Variants in MIA3 observed in about 807,000 individuals in gnomAD.
The protein encoded by MIA3 is transport and Golgi organization protein 1 homolog.
A neutral mutation model predicts 192.4 loss-of-function variants in MIA3; 90 were observed. The observed-to-expected ratio is 0.47, with a 90% confidence interval of 0.39 to 0.56. MIA3 has a LOEUF of 0.56. Ranked by LOEUF, MIA3 falls within the 20% of genes least tolerant of loss-of-function variation. MIA3 has a pLI of 0.00. For synonymous variants in MIA3, 740 were observed against 792.8 expected (o/e 0.93, Z 1.12); for missense variants, 2,123 against 2,269.4 (o/e 0.94, Z 1.31).
chr1:222,657,462 C>G (rs576803874), intron 18 of MIA3, among the ~76,000 whole-genome samples: 54 of 152,344 alleles, frequency 3.5e-4, no homozygotes, highest in Middle Eastern at 3.4e-3. Flanking sequence ...AAATGCCGGG[C>G]TTACTTATAA....
At chr1:222,640,028 G>A (rs1662783924) in intron 6 of MIA3, among the ~76,000 whole-genome samples, 1 of 152,132 alleles carries the variant, frequency 6.6e-6, no homozygotes, top group South Asian at 2.1e-4. Context: ...ACATCTAAAA[G>A]CAATTGTATT....
intron 24 of MIA3, 64 bp downstream of exon 24, chr1:222,660,378 T>A: frequency 6.6e-7 from 1 of 1,523,772 alleles, no homozygotes; most frequent in Non-Finnish European, 8.9e-7. Context: ...TATTTGAGAA[T>A]TCTAATGCAA....
chr1:222,635,083 A>G (rs1662569695), intron 6 of MIA3, among the ~76,000 whole-genome samples: 2 of 152,222 alleles, frequency 1.3e-5, no homozygotes, highest in African/African-American at 4.8e-5. Context: ...ACCAGGATGG[A>G]AAACAAGTAG....
At chr1:222,658,662 T>A in intron 18 of MIA3, 60 bp from the exon 19 acceptor site, 1 of 1,182,584 alleles carries the variant, frequency 8.5e-7, no homozygotes, top group Non-Finnish European at 1.2e-6. Context: ...ATTGGAGTAT[T>A]CAGACAGAAT....
At chr1:222,644,412 G>GA in intron 6 of MIA3, 1 of 1,544,088 alleles carries the variant, frequency 6.5e-7, no homozygotes, top group Non-Finnish European at 8.8e-7. Flanking sequence ...AGGAAGCTCT[G>GA]AAAAACAGGG....
chr1:222,641,894 C>A, intron 6 of MIA3: 1 of 454,674 alleles, frequency 2.2e-6, no homozygotes, highest in South Asian at 1.6e-5. Context: ...TGGAAAAAAT[C>A]AAATATCTAT....
rs2124889711 is a variant in MIA3 at position 222,645,659 on chromosome 1, A to G, written c.3583A>G (p.Ile1195Val). 1 of 1,613,910 alleles carries G rather than the reference A, an allele frequency of 6.2e-7. No homozygotes were observed. Among genetic ancestry groups the G allele is most frequent in the Non-Finnish European group, 8.5e-7 (1 of 1,179,962 alleles). Residue 1195 changes from isoleucine (I) to valine (V), a missense_variant, in exon 7 of 28, where the codon ATT becomes GTT. Ile to Val is a conservative substitution (Grantham distance 29, BLOSUM62 3). Around this residue, in one of 3 missense-constraint regions of MIA3, gnomAD observed 762 missense variants for 856.4 expected, o/e 0.89. Coordinates refer to ENST00000344922, the MANE Select transcript of MIA3 (RefSeq NM_198551.4). The stretch of plus-strand genomic sequence containing the variant: ...CTTCTTGGGAATTGCTTCGTTTGCC[A>G]TTTTCTTATGGAGAACTGTCCTTGT... The part of the protein sequence containing the change: ...TAFLGIASFA[I>V]FLWRTVLVVK...
chr1:222,664,040 C>T lies in MIA3; in HGVS notation c.5305C>T (p.Pro1769Ser), dbSNP rs1664154077. ...AGGGCCCCCTCCTTTCCCAGGAGTCCCTCTCATGAGCACCCCCATGGGAGG... is the reference window on the plus strand; with the variant it reads ...AGGGCCCCCTCCTTTCCCAGGAGTCTCTCTCATGAGCACCCCCATGGGAGG... The part of the protein sequence containing the change: ...PKGPPPFPGV[P>S]LMSTPMGGPV... Residue 1769 changes from proline (P) to serine (S), a missense_variant, in exon 27 of 28, where the codon CCT becomes TCT. Around this residue, in one of 3 missense-constraint regions of MIA3, gnomAD observed 762 missense variants for 856.4 expected, o/e 0.89. Transcript: ENST00000344922. 1 of 1,613,994 alleles carries T rather than the reference C, an allele frequency of 6.2e-7. No individual in the cohort carries two copies. Among genetic ancestry groups the T allele is most frequent in the South Asian group, 1.1e-5 (1 of 91,086 alleles).
intron 6 of MIA3, among the ~76,000 whole-genome samples, chr1:222,642,882 T>A (rs1183102916): frequency 6.6e-6 from 1 of 151,180 alleles, no homozygotes; most frequent in Non-Finnish European, 1.5e-5. Flanking sequence ...TCAGCCCATT[T>A]TTCTATAGGT....
intron 6 of MIA3, among the ~76,000 whole-genome samples, chr1:222,636,539 G>A (rs1183491737): frequency 8.2e-6 from 1 of 121,492 alleles, no homozygotes; most frequent in East Asian, 2.6e-4. Flanking sequence ...TTGAGATAGA[G>A]TCTTGCTCTG....
rs1661702559 is a variant in MIA3 at position 222,618,346 on chromosome 1, G to T, written c.133+103G>T. The T allele has an allele frequency of 4.3e-6, 5 of 1,154,622 alleles. No homozygotes were observed. In the South Asian group the frequency reaches 9.2e-5, roughly 21 times the overall value. The allele number at this position is 1,154,622 out of a possible 1,614,324, so 71.5% of individuals were successfully genotyped here. A position where few individuals can be genotyped will look rare whatever the true frequency, so the allele number is the denominator to read the frequency against. On this transcript the variant is annotated intron_variant, in intron 1 of 27. Transcript: ENST00000344922. ...GGCGCCGCCTGGGCTGTGCGGGGAC[G>T]GGAGTTCCGCAGCCCCTGGCCGGCC...
chr1:222,653,651 A>G (rs913252660), intron 15 of MIA3, among the ~76,000 whole-genome samples: 1 of 152,202 alleles, frequency 6.6e-6, no homozygotes, highest in African/African-American at 2.4e-5. Flanking sequence ...TTTCATGGAG[A>G]TAACATTTTA....
chr1:222,639,197 A>G (rs1662753152), intron 6 of MIA3, among the ~76,000 whole-genome samples: 1 of 152,234 alleles, frequency 6.6e-6, no homozygotes, highest in Non-Finnish European at 1.5e-5. Flanking sequence ...AAGCTCATTC[A>G]GGAAGAAACA....
Position 222,666,259 on chromosome 1 carries a change from C to T in MIA3, c.*640C>T, listed in dbSNP as rs1182218687. ...GTGGCTGGTGGCACACTTCCGGCTG[C>T]TCCTCCGTCACCTGTGAACTCTACA... On this transcript the variant is annotated 3_prime_UTR_variant, in exon 28 of 28. Transcript: ENST00000344922. 6.6e-6 allele frequency: 1 copy of T among 152,242 alleles called. No homozygotes were observed. Among genetic ancestry groups the T allele is most frequent in the Non-Finnish European group, 1.5e-5 (1 of 68,066 alleles). 9.4% of individuals were successfully genotyped at this position (152,242 alleles called of 1,614,324 possible).
chr1:222,649,000 A>T (rs1663283395), intron 8 of MIA3, 150 bp downstream of exon 8: 2 of 551,146 alleles, frequency 3.6e-6, no homozygotes, highest in African/African-American at 2.0e-5. Flanking sequence ...GCCAGGTTGT[A>T]TGATAGAGTA....
In MIA3 at chr1:222,650,697, G is replaced by A. The variant is rs777796360; in HGVS notation, c.3784G>A (p.Ala1262Thr). 1.3e-6 allele frequency: 2 copies of A among 1,597,618 alleles called. No individual in the cohort carries two copies. Among genetic ancestry groups the A allele is most frequent in the Non-Finnish European group, 1.7e-6 (2 of 1,170,388 alleles). Reference sequence around the variant, plus strand: ...ACAAAATATGATTCTCTCTGATGAAGCAATTAAATATAAGGTAAAAACTTC... The same window carrying A: ...ACAAAATATGATTCTCTCTGATGAAACAATTAAATATAAGGTAAAAACTTC... ...RKQNMILSDEAIKYKDKIKTL... is the reference protein window; with the variant it reads ...RKQNMILSDETIKYKDKIKTL... The change falls in exon 10 of 28, where the codon GCA becomes ACA. Residue 1262 changes from alanine (A) to threonine (T), a missense_variant. Physicochemically the swap from Ala to Thr is moderately conservative, Grantham distance 58. Transcript: ENST00000344922.
chr1:222,653,870 A>G (rs1663568264), intron 15 of MIA3, among the ~76,000 whole-genome samples: 1 of 152,182 alleles, frequency 6.6e-6, no homozygotes, highest in Non-Finnish European at 1.5e-5. Context: ...ATGTTTCTAG[A>G]TGCCCTCTCT....
intron 18 of MIA3, among the ~76,000 whole-genome samples, chr1:222,657,421 T>G (rs1404927120): frequency 6.6e-6 from 1 of 152,202 alleles, no homozygotes; most frequent in Non-Finnish European, 1.5e-5. Flanking sequence ...TTGTCTTCAA[T>G]GCATGGATGA....
At chr1:222,646,963 TATAG>T (rs1230566688) in intron 7 of MIA3, among the ~76,000 whole-genome samples, 7 of 152,282 alleles carry the variant, frequency 4.6e-5, no homozygotes, top group East Asian at 1.9e-4. Context: ...GACTTTAAGG[TATAG>T]ATAAACTGTA....
Sources: allele counts gnomAD v4.1 joint callset (sites outside exome capture counted in the v4.1 genomes callset), GRCh38; gene constraint gnomAD v4.1.1; regional missense constraint gnomAD v4.1.1; transcripts MANE v1.5; gene names NCBI Gene and HGNC (gene_info 2026-07-23, HGNC 2026-07-21).